HPSE2: variants seen among roughly 807,000 people sequenced by gnomAD.
HPSE2 encodes the protein heparanase 2 (inactive).
HPSE2 carries 38 observed loss-of-function variants against 60.5 expected under a neutral mutation model. The observed-to-expected ratio is 0.63, with a 90% CI of 0.48 to 0.82. The LOEUF (loss-of-function observed/expected upper bound fraction) is 0.82, where lower values mean the gene tolerates loss of function less well. HPSE2 is among the 40% of genes least tolerant of loss of function. The pLI is 0.00. For synonymous variants in HPSE2, 295 were observed against 293.2 expected, an observed-to-expected ratio of 1.01 and a Z score of -0.06; for missense variants, 713 against 740.4, an observed-to-expected ratio of 0.96 and a Z score of 0.43.
chr10:98,541,035 T>C lies in HPSE2; in HGVS notation c.1321-50839A>G, dbSNP rs182002000. Among the ~76,000 whole-genome samples the C allele has an allele frequency of 2.1e-3, 314 of 152,316 alleles. 1 individual carries two copies. Among genetic ancestry groups the C allele is most frequent in the Middle Eastern group, 6.8e-3 (2 of 294 alleles). On this transcript the variant is annotated intron_variant, in intron 9 of 11. Transcript: ENST00000370552. ...GACTCATTAGATAGAGAATCATTCA[T>C]TAATTCTCTTCATATAATTAAAAAA...
At chr10:98,999,155 ACGTG>A (rs994140811) in intron 3 of HPSE2, among the ~76,000 whole-genome samples, 4 of 115,010 alleles carry the variant, frequency 3.5e-5, no homozygotes, top group African/African-American at 1.3e-4. Flanking sequence ...GGTATAGACT[ACGTG>A]TGTGTGTGTG....
At chr10:98,467,216 C>T (rs1940573584) in intron 11 of HPSE2, among the ~76,000 whole-genome samples, 1 of 152,178 alleles carries the variant, frequency 6.6e-6, no homozygotes, top group Admixed American at 6.5e-5. Context: ...GACCGCTGAG[C>T]TGACTGCTTG....
chr10:98,614,701 A>ATATG (rs143985777), intron 9 of HPSE2, among the ~76,000 whole-genome samples: 7 of 149,018 alleles, frequency 4.7e-5, no homozygotes, highest in African/African-American at 1.7e-4. Context: ...GAGTGAACAG[A>ATATG]TGTGTGTGTG....
intron 3 of HPSE2, among the ~76,000 whole-genome samples, chr10:98,753,233 GA>G (rs1447189003): frequency 6.6e-6 from 1 of 152,122 alleles, no homozygotes; most frequent in Non-Finnish European, 1.5e-5. Flanking sequence ...AACTATGTGA[GA>G]AAAAAAGTCA....
intron 3 of HPSE2, among the ~76,000 whole-genome samples, chr10:98,954,991 T>TAC (rs908324948): frequency 7.5e-5 from 11 of 147,380 alleles, no homozygotes; most frequent in South Asian, 2.1e-4. Context: ...TATATATATA[T>TAC]ACATATTTAT....
chr10:99,005,595 T>C (rs980426524), intron 3 of HPSE2, among the ~76,000 whole-genome samples: 3 of 152,196 alleles, frequency 2.0e-5, no homozygotes, highest in Non-Finnish European at 4.4e-5. Context: ...TTTTCTTTAA[T>C]TTTGCTGGGC....
chr10:98,869,340 TC>T (rs1182581965), intron 3 of HPSE2, among the ~76,000 whole-genome samples: 1 of 152,164 alleles, frequency 6.6e-6, no homozygotes, highest in Non-Finnish European at 1.5e-5. Context: ...TATTAAGACA[TC>T]TTTTTAAAAC....
intron 9 of HPSE2, among the ~76,000 whole-genome samples, chr10:98,508,455 G>T (rs1489268329): frequency 6.6e-6 from 1 of 152,182 alleles, no homozygotes; most frequent in Non-Finnish European, 1.5e-5. Context: ...GCCTAGTAGA[G>T]TGCCCGGCTA....
chr10:99,042,887 T>A (rs529503587), intron 3 of HPSE2, among the ~76,000 whole-genome samples: 5 of 152,060 alleles, frequency 3.3e-5, no homozygotes, highest in Non-Finnish European at 7.4e-5. Flanking sequence ...CAAGACTAAG[T>A]CTATTGGCCT....
At chr10:98,498,973 T>C (rs1002568773) in intron 9 of HPSE2, among the ~76,000 whole-genome samples, 1 of 152,016 alleles carries the variant, frequency 6.6e-6, no homozygotes, top group African/African-American at 2.4e-5. Flanking sequence ...TAAGAAAACA[T>C]GAACAAAGCC....
chr10:98,799,330 C>T (rs1234600829), intron 3 of HPSE2, among the ~76,000 whole-genome samples: 3 of 152,126 alleles, frequency 2.0e-5, no homozygotes, highest in East Asian at 1.9e-4. Flanking sequence ...GGGCCCAATA[C>T]ATAATAGCTG....
intron 3 of HPSE2, among the ~76,000 whole-genome samples, chr10:98,845,943 T>C (rs1253285616): frequency 6.6e-6 from 1 of 152,198 alleles, no homozygotes; most frequent in East Asian, 1.9e-4. Flanking sequence ...TAGGAATTCT[T>C]TTCCATTCCA....
At chr10:99,002,143 A>G (rs770577752) in intron 3 of HPSE2, among the ~76,000 whole-genome samples, 1 of 152,174 alleles carries the variant, frequency 6.6e-6, no homozygotes, top group Non-Finnish European at 1.5e-5. Flanking sequence ...AATCTAGAAC[A>G]ATTTGAACAA....
chr10:98,581,194 T>A (rs571993304), intron 9 of HPSE2, among the ~76,000 whole-genome samples: 165 of 152,224 alleles, frequency 1.1e-3, no homozygotes, highest in Middle Eastern at 3.4e-3. Flanking sequence ...TGAGCCACTG[T>A]GCCCAGTCTA....
At chr10:98,675,718 C>CCCT (rs1947623639) in intron 6 of HPSE2, among the ~76,000 whole-genome samples, 1 of 151,958 alleles carries the variant, frequency 6.6e-6, no homozygotes, top group African/African-American at 2.4e-5. Flanking sequence ...TGGGTGACAG[C>CCCT]ATAAGACCCC....
intron 3 of HPSE2, among the ~76,000 whole-genome samples, chr10:99,018,474 A>G (rs1451163729): frequency 1.3e-5 from 2 of 152,214 alleles, no homozygotes; most frequent in Non-Finnish European, 1.5e-5. Flanking sequence ...CCTTTGGCTA[A>G]TAAAGATTAA....
Position 98,942,115 on chromosome 10 carries a change from A to G in HPSE2, c.611-198059T>C, listed in dbSNP as rs1194361841. On this transcript the variant is annotated intron_variant, in intron 3 of 11. Transcript: ENST00000370552. ...TAAAGACTTAAACATTAGACCTAAA[A>G]CCATAAAAACCCTAGAAGAAAACCT... 2.1e-5 allele frequency among the ~76,000 whole-genome samples: 3 copies of G among 140,742 alleles called. 1 individual carries two copies. Among genetic ancestry groups the G allele is most frequent in the Non-Finnish European group, 4.5e-5 (3 of 66,050 alleles). The allele number at this position is 140,742 out of a possible 152,430, so 92.3% of individuals were successfully genotyped here.
chr10:98,579,520 G>A (rs1458390623), intron 9 of HPSE2, among the ~76,000 whole-genome samples: 1 of 152,000 alleles, frequency 6.6e-6, no homozygotes, highest in African/African-American at 2.4e-5. Flanking sequence ...GGAGCCGGCA[G>A]GCACTCAACT....
At chr10:98,788,934 C>A (rs1014005342) in intron 3 of HPSE2, among the ~76,000 whole-genome samples, 1 of 152,122 alleles carries the variant, frequency 6.6e-6, no homozygotes, top group Admixed American at 6.5e-5. Context: ...AGCTGTAGAC[C>A]GGAGCTGTTC....
Sources: gnomAD v4.1 joint callset for allele counts (sites outside exome capture counted in the v4.1 genomes callset) on GRCh38, gnomAD v4.1.1 for gene constraint, MANE v1.5 for transcripts, NCBI Gene and HGNC (gene_info 2026-07-23, HGNC 2026-07-21) for gene names.